GRID2: variants seen among roughly 807,000 people sequenced by gnomAD.
The protein encoded by GRID2 is glutamate receptor ionotropic, delta-2.
A neutral mutation model predicts 114.8 loss-of-function variants in GRID2; 33 were observed. That is an observed-to-expected ratio of 0.29 (90% CI 0.22 to 0.38). The LOEUF is 0.38. GRID2 is among the 10% of genes least tolerant of loss of function. GRID2 has a pLI of 1.00. For synonymous variants in GRID2, 505 were observed against 449.9 expected (o/e 1.12, Z -1.55); for missense variants, 1,184 against 1,257.7 (o/e 0.94, Z 0.89).
chr4:93,518,524 G>A (rs547524246), intron 13 of GRID2, among the ~76,000 whole-genome samples: 1 of 152,144 alleles, frequency 6.6e-6, no homozygotes, highest in East Asian at 1.9e-4. Context: ...ATTAGTCACT[G>A]GGATGGACAG....
chr4:93,091,087 G>A (rs576184883), intron 3 of GRID2, among the ~76,000 whole-genome samples: 1 of 152,100 alleles, frequency 6.6e-6, no homozygotes, highest in African/African-American at 2.4e-5. Flanking sequence ...TTGTTTGGCT[G>A]CTTTTAAGCT....
intron 10 of GRID2, among the ~76,000 whole-genome samples, chr4:93,426,347 G>C (rs929723250): frequency 1.3e-5 from 2 of 151,972 alleles, no homozygotes; most frequent in African/African-American, 4.8e-5. Context: ...CTTTCTAAGG[G>C]CTGTTTCCTG....
chr4:92,961,484 A>G (rs902686177), intron 2 of GRID2, among the ~76,000 whole-genome samples: 1 of 151,494 alleles, frequency 6.6e-6, no homozygotes, highest in African/African-American at 2.4e-5. Context: ...TCCTCTTAAT[A>G]TTAAATATTT....
intron 1 of GRID2, among the ~76,000 whole-genome samples, chr4:92,559,293 T>A (rs1727005511): frequency 1.3e-5 from 2 of 152,166 alleles, no homozygotes; most frequent in African/African-American, 4.8e-5. Flanking sequence ...GAAAATCCAG[T>A]CTCTACATTT....
At chr4:92,720,733 T>G (rs1022645066) in intron 2 of GRID2, among the ~76,000 whole-genome samples, 1 of 152,030 alleles carries the variant, frequency 6.6e-6, no homozygotes, top group Admixed American at 6.6e-5. Context: ...ATGTACTACT[T>G]TTTTCAGAAC....
At chr4:93,207,294 A>T in intron 4 of GRID2, 110 bp from the exon 5 acceptor site, 1 of 789,878 alleles carries the variant, frequency 1.3e-6, no homozygotes, top group South Asian at 1.4e-5. Flanking sequence ...AGTAACAAAG[A>T]CCTTTCTAAC....
chr4:93,165,061 TAAC>T (rs1560943782), intron 4 of GRID2, among the ~76,000 whole-genome samples: 1 of 152,086 alleles, frequency 6.6e-6, no homozygotes, highest in Non-Finnish European at 1.5e-5. Context: ...ATGGAGATAA[TAAC>T]TTCCTCATAG....
chr4:92,892,848 A>C (rs1469511428), intron 2 of GRID2, among the ~76,000 whole-genome samples: 4 of 152,234 alleles, frequency 2.6e-5, no homozygotes, highest in African/African-American at 9.6e-5. Context: ...AAAGTTGTTG[A>C]CACTTTAAAA....
chr4:93,030,615 C>T (rs1185220310), intron 2 of GRID2, among the ~76,000 whole-genome samples: 1 of 151,906 alleles, frequency 6.6e-6, no homozygotes, highest in Non-Finnish European at 1.5e-5. Flanking sequence ...GAACTCCTGA[C>T]CTCAAGCAAT....
chr4:93,659,003 G>A (rs1723254972), intron 14 of GRID2, among the ~76,000 whole-genome samples: 1 of 152,000 alleles, frequency 6.6e-6, no homozygotes, highest in Non-Finnish European at 1.5e-5. Context: ...TTTGAACGGA[G>A]GCCTTAATGG....
At chr4:92,961,619 CA>C in intron 2 of GRID2, among the ~76,000 whole-genome samples, 1 of 150,874 alleles carries the variant, frequency 6.6e-6, no homozygotes, top group East Asian at 1.9e-4. Context: ...TGATTTTCTT[CA>C]ATTTAAATAT....
intron 2 of GRID2, among the ~76,000 whole-genome samples, chr4:92,905,126 T>C (rs1747850992): frequency 6.6e-6 from 1 of 152,012 alleles, no homozygotes; most frequent in South Asian, 2.1e-4. Context: ...AATTAAGAAA[T>C]GATATTTATT....
intron 2 of GRID2, among the ~76,000 whole-genome samples, chr4:92,606,757 G>A (rs766564157): frequency 2.6e-5 from 4 of 151,792 alleles, no homozygotes; most frequent in Non-Finnish European, 5.9e-5. Context: ...ATTTTGAGTT[G>A]CCATTGTTTT....
chr4:92,574,704 G>A (rs954998263), intron 1 of GRID2, among the ~76,000 whole-genome samples: 3 of 152,048 alleles, frequency 2.0e-5, no homozygotes, highest in African/African-American at 7.2e-5. Flanking sequence ...TTAGTCTGAT[G>A]GGCTTCCCTT....
rs766501340 is a variant in GRID2, at chr4:93,032,519, T to C, written c.245-52476T>C. On this transcript the variant is annotated intron_variant, in intron 2 of 15. Coordinates refer to ENST00000282020, the MANE Select transcript of GRID2 (RefSeq NM_001510.4). ...TGAATTAACAGTCTCTTACCTCTTA[T>C]ATTCTAAGGAATAAAATAGGGATTT... is the stretch of plus-strand genomic sequence containing the variant. Among the ~76,000 whole-genome samples, 5 of 152,198 alleles carry C rather than the reference T, an allele frequency of 3.3e-5. 1 individual carries two copies. The highest frequency in any genetic ancestry group is 7.3e-5 in the Non-Finnish European group (5 of 68,032).
intron 4 of GRID2, among the ~76,000 whole-genome samples, chr4:93,113,097 A>G (rs576681455): frequency 6.6e-6 from 1 of 152,300 alleles, no homozygotes; most frequent in East Asian, 1.9e-4. Flanking sequence ...GCAGAGGAGT[A>G]TGTTTGAGAG....
chr4:92,501,030 A>G (rs546376641), intron 1 of GRID2, among the ~76,000 whole-genome samples: 1 of 152,256 alleles, frequency 6.6e-6, no homozygotes, highest in Non-Finnish European at 1.5e-5. Flanking sequence ...CTGAATACCA[A>G]TAGAAACCTT....
intron 1 of GRID2, among the ~76,000 whole-genome samples, chr4:92,544,147 C>A (rs1726120961): frequency 6.6e-6 from 1 of 152,134 alleles, no homozygotes; most frequent in South Asian, 2.1e-4. Flanking sequence ...GGAGGAGTTC[C>A]TCTCAACAAA....
At chr4:93,574,200 A>G (rs1427011690) in intron 13 of GRID2, among the ~76,000 whole-genome samples, 2 of 152,170 alleles carry the variant, frequency 1.3e-5, no homozygotes, top group Admixed American at 6.5e-5. Context: ...AGCTATGCCT[A>G]TCTCACATTG....
Sources: gnomAD v4.1 joint callset for allele counts (sites outside exome capture counted in the v4.1 genomes callset) on GRCh38, gnomAD v4.1.1 for gene constraint, MANE v1.5 for transcripts, NCBI Gene and HGNC (gene_info 2026-07-23, HGNC 2026-07-21) for gene names.